IGF2R: variants seen among roughly 807,000 people sequenced by gnomAD.
The protein encoded by IGF2R is insulin like growth factor 2 receptor.
A neutral mutation model predicts 270.6 loss-of-function variants in IGF2R; 91 were observed. The ratio of observed to expected loss-of-function variants is 0.34; its 90% CI spans 0.28 to 0.40. IGF2R has a LOEUF of 0.40. Among genes scored for constraint, IGF2R ranks in the 10% least tolerant of loss-of-function variants. The pLI, the probability that IGF2R is intolerant of heterozygous loss-of-function variation, is 1.00. For synonymous variants in IGF2R, 1,316 were observed against 1,258.9 expected, an observed-to-expected ratio of 1.05 and a Z score of -0.96; for missense variants, 2,805 against 3,188.3, an observed-to-expected ratio of 0.88 and a Z score of 2.90.
intron 39 of IGF2R, among the ~76,000 whole-genome samples, chr6:160,081,785 G>A (rs1778988020): frequency 6.6e-6 from 1 of 152,126 alleles, no homozygotes; most frequent in Non-Finnish European, 1.5e-5. Flanking sequence ...ACCCGTTTTC[G>A]GTAATAAGAG....
At chr6:160,082,734 T>G (rs1779013238) in intron 39 of IGF2R, among the ~76,000 whole-genome samples, 1 of 152,246 alleles carries the variant, frequency 6.6e-6, no homozygotes. Flanking sequence ...GAGCTGGGTC[T>G]ATTTGGAGTC....
At chr6:160,027,943 G>A (rs562965468) in intron 6 of IGF2R, among the ~76,000 whole-genome samples, 15 of 152,220 alleles carry the variant, frequency 9.9e-5, no homozygotes, top group South Asian at 6.2e-4. Context: ...TCTGGAGCTC[G>A]TGGCATGTCT....
rs761889125 is a variant in IGF2R at position 160,076,016 on chromosome 6, G to A, written c.5316+20G>A. On this transcript the variant is annotated intron_variant, in intron 36 of 47. Coordinates refer to ENST00000356956, the MANE Select transcript of IGF2R (RefSeq NM_000876.4). Reference sequence around the variant, plus strand: ...AGCATGGTAAGTGTGGGCCTGTGACGATCTAGATGCTCAACTGCGGGTTAG... The same window carrying A: ...AGCATGGTAAGTGTGGGCCTGTGACAATCTAGATGCTCAACTGCGGGTTAG... 1.8e-5 allele frequency: 29 copies of A among 1,610,750 alleles called. No individual in the cohort carries two copies. The highest frequency in any genetic ancestry group is 6.7e-5 in the East Asian group (3 of 44,824).
chr6:160,049,731 G>T (rs1273095868), intron 18 of IGF2R, among the ~76,000 whole-genome samples: 4 of 152,168 alleles, frequency 2.6e-5, no homozygotes, highest in Non-Finnish European at 1.5e-5. Context: ...CCTTAACCTC[G>T]TTTTTCCTTC....
Position 160,084,010 on chromosome 6 carries a change from G to A in IGF2R, c.5894G>A (p.Arg1965Lys). 1 of 1,614,148 alleles carries A rather than the reference G, an allele frequency of 6.2e-7. No individual in the cohort carries two copies. Among genetic ancestry groups the A allele is most frequent in the Non-Finnish European group, 8.5e-7 (1 of 1,179,988 alleles). ...TGTGATGAAGATGAGGACATTGGGA[G>A]GCCACAAGTCTTCAGTGAAGTGCGT... ...FKCDEDEDIGRPQVFSEVRGC... is the reference protein window; with the variant it reads ...FKCDEDEDIGKPQVFSEVRGC... Residue 1965 changes from arginine to lysine, a missense_variant, in exon 40 of 48, where the codon AGG (arginine) becomes AAG (lysine). Around this residue, in one of 2 missense-constraint regions of IGF2R, gnomAD observed 1,851 missense variants for 2,207.2 expected, o/e 0.84. Transcript: ENST00000356956. The surrounding 1 kb of genome is among the most constrained non-coding windows in gnomAD (Gnocchi z 4.6).
intron 25 of IGF2R, 68 bp from the exon 26 acceptor site, chr6:160,062,464 G>A: frequency 8.1e-7 from 1 of 1,237,702 alleles, no homozygotes. Flanking sequence ...GAGCCACCGT[G>A]CCCGGCCCCA....
chr6:160,098,686 G>A (rs1394687278), intron 45 of IGF2R, among the ~76,000 whole-genome samples: 1 of 152,126 alleles, frequency 6.6e-6, no homozygotes, highest in African/African-American at 2.4e-5. Context: ...AGGTGTGGTG[G>A]TGCACACCTG....
rs1446554846 is a variant in IGF2R at position 160,010,711 on chromosome 6, A to G, written c.439A>G (p.Thr147Ala). Residue 147 changes from threonine (T) to alanine (A), a missense_variant, in exon 4 of 48, where the codon ACA becomes GCA. Around this residue, in one of 2 missense-constraint regions of IGF2R, gnomAD observed 954 missense variants for 981.1 expected, o/e 0.97. Transcript: ENST00000356956. ...GGGAACTCCTGAATTTGTAACTGCA[A>G]CAGAATGTGTGCACTACTTTGAGTG... ...TLGTPEFVTA[T>A]ECVHYFEWRT... is the part of the protein sequence containing the mutation. 1.2e-6 allele frequency: 2 copies of G among 1,609,226 alleles called. No individual in the cohort carries two copies. The highest frequency in any genetic ancestry group is 4.5e-5 in the East Asian group (2 of 44,856).
In IGF2R at chr6:160,017,039, CT is replaced by C. The variant is rs200616830; in HGVS notation, c.513+6255del. On this transcript the variant is annotated intron_variant, in intron 4 of 47. Coordinates refer to ENST00000356956, the MANE Select transcript of IGF2R (RefSeq NM_000876.4). ...TAACCAAAGTGAAATGCTTGAAATA[CT>C]AGTTAAAGAATTCAAAATATTAATT... Among the ~76,000 whole-genome samples, 79 of 152,150 alleles carry C rather than the reference CT, an allele frequency of 5.2e-4. No individual in the cohort carries two copies. In the East Asian group the frequency reaches 0.014, roughly 26 times the overall value.
At chr6:160,078,050 G>T (rs1583295474) in intron 36 of IGF2R, 151 bp from the exon 37 acceptor site, 1 of 714,250 alleles carries the variant, frequency 1.4e-6, no homozygotes, top group Non-Finnish European at 2.4e-6. Flanking sequence ...CTTGAAGATG[G>T]CATTGGGTCT....
chr6:159,981,835 T>C (rs188908522), intron 1 of IGF2R, among the ~76,000 whole-genome samples: 74 of 152,310 alleles, frequency 4.9e-4, no homozygotes, highest in African/African-American at 1.6e-3. Flanking sequence ...AACTTAGATG[T>C]CGTGTTTGAC....
chr6:159,999,389 A>G (rs1784095524), intron 2 of IGF2R, among the ~76,000 whole-genome samples: 1 of 152,198 alleles, frequency 6.6e-6, no homozygotes, highest in Non-Finnish European at 1.5e-5. Flanking sequence ...AGCCTCCACA[A>G]TGAGCACCTT....
At chr6:159,991,919 A>T (rs774532298) in intron 2 of IGF2R, among the ~76,000 whole-genome samples, 1 of 152,234 alleles carries the variant, frequency 6.6e-6, no homozygotes, top group Non-Finnish European at 1.5e-5. Context: ...GAAGAATATG[A>T]ATCCAAGTGG....
At chr6:160,088,264 G>T (rs892346519) in intron 42 of IGF2R, 117 bp downstream of exon 42, 5 of 700,798 alleles carry the variant, frequency 7.1e-6, no homozygotes, top group Non-Finnish European at 1.0e-5. Context: ...GGCCAGAGCC[G>T]CTGATTGTGC....
In IGF2R at chr6:160,050,745, G is replaced by A. The variant is rs764220244; in HGVS notation, c.2694+93G>A. 5.5e-5 allele frequency: 65 copies of A among 1,174,414 alleles called. No homozygotes were observed. The highest frequency in any genetic ancestry group is 7.4e-5 in the Non-Finnish European group (62 of 843,304). 72.7% of individuals were successfully genotyped at this position (1,174,414 alleles called of 1,614,324 possible). On this transcript the variant is annotated intron_variant, in intron 19 of 47. Coordinates refer to ENST00000356956, the MANE Select transcript of IGF2R (RefSeq NM_000876.4). The surrounding 1 kb of genome is among the most constrained non-coding windows in gnomAD (Gnocchi z 4.0). ...CTCTTAACAGCAGCAGTCTTGGGGT[G>A]GGTGGCGGAGCTAGGCCAGTCTTAG...
chr6:160,075,777 A>G, intron 35 of IGF2R, 70 bp from the exon 36 acceptor site: 1 of 1,531,598 alleles, frequency 6.5e-7, no homozygotes, highest in Non-Finnish European at 9.0e-7. Context: ...TTCTGTATCA[A>G]TTCTTAATTC....
chr6:159,974,666 G>T (rs1222819245), intron 1 of IGF2R, among the ~76,000 whole-genome samples: 1 of 152,104 alleles, frequency 6.6e-6, no homozygotes, highest in Non-Finnish European at 1.5e-5. Flanking sequence ...ATGTCAGCCA[G>T]CATTCCTGGC....
intron 4 of IGF2R, among the ~76,000 whole-genome samples, chr6:160,012,091 G>A (rs1784343269): frequency 6.6e-6 from 1 of 152,050 alleles, no homozygotes; most frequent in Non-Finnish European, 1.5e-5. Flanking sequence ...AGTGTCATAT[G>A]GAAGTGGAAG....
At chr6:159,979,294 C>G (rs557709138) in intron 1 of IGF2R, among the ~76,000 whole-genome samples, 1 of 152,336 alleles carries the variant, frequency 6.6e-6, no homozygotes, top group South Asian at 2.1e-4. Flanking sequence ...CTGCGCCCCA[C>G]CCTGGCCTGC....
Sources: gnomAD v4.1 joint callset for allele counts (sites outside exome capture counted in the v4.1 genomes callset) on GRCh38, gnomAD v4.1.1 for gene constraint, gnomAD v4.1.1 regional missense constraint, Gnocchi (gnomAD v3.1) non-coding constraint, MANE v1.5 for transcripts, NCBI Gene and HGNC (gene_info 2026-07-23, HGNC 2026-07-21) for gene names.